Variants in PDE4D observed in about 807,000 individuals in gnomAD.
The protein encoded by PDE4D is phosphodiesterase 4D, also known as 3',5'-cyclic-AMP phosphodiesterase 4D.
A neutral mutation model predicts 87.4 loss-of-function variants in PDE4D; 24 were observed. The ratio of observed to expected loss-of-function variants is 0.27; its 90% CI spans 0.20 to 0.39. The LOEUF (loss-of-function observed/expected upper bound fraction) is 0.39. Ranked by LOEUF, PDE4D falls within the 10% of genes least tolerant of loss-of-function variation. The pLI is 1.00. For missense variants in PDE4D, 714 were observed against 1,041.0 expected, an observed-to-expected ratio of 0.69 and a Z score of 4.32; for synonymous variants, 384 against 383.2, an observed-to-expected ratio of 1.00 and a Z score of -0.02.
chr5:60,149,974 T>C (rs1781358732), intron 2 of PDE4D, among the ~76,000 whole-genome samples: 1 of 147,012 alleles, frequency 6.8e-6, no homozygotes, highest in East Asian at 2.0e-4. Flanking sequence ...ATATATAATA[T>C]ATACATATAT....
At chr5:59,104,146 A>G (rs1435404927) in intron 5 of PDE4D, among the ~76,000 whole-genome samples, 1 of 146,190 alleles carries the variant, frequency 6.8e-6, no homozygotes, top group Non-Finnish European at 1.5e-5. Flanking sequence ...TTGAAAAAAC[A>G]ATCAAAATTA....
chr5:60,104,606 C>A (rs1437342524), intron 2 of PDE4D, among the ~76,000 whole-genome samples: 9 of 152,226 alleles, frequency 5.9e-5, no homozygotes, highest in Non-Finnish European at 8.8e-5. Flanking sequence ...AACTGGGAGG[C>A]ACCCACCAGT....
At chr5:59,513,734 T>C (rs965390625) in intron 1 of PDE4D, among the ~76,000 whole-genome samples, 1 of 152,164 alleles carries the variant, frequency 6.6e-6, no homozygotes, top group African/African-American at 2.4e-5. Flanking sequence ...AGAAAAACCA[T>C]GAAACAATGT....
Position 59,723,440 on chromosome 5 carries a change from T to C in PDE4D, c.455+169728A>G, listed in dbSNP as rs549465566. Among the ~76,000 whole-genome samples the C allele has an allele frequency of 2.6e-5, 4 of 152,258 alleles. No individual in the cohort carries two copies. The South Asian group carries it at 8.3e-4, about 32-fold the overall frequency. On this transcript the variant is annotated intron_variant, in intron 1 of 14. Coordinates refer to ENST00000340635, the MANE Select transcript of PDE4D (RefSeq NM_001104631.2). The stretch of plus-strand genomic sequence containing the variant: ...ACAGAGCCTAGAACAGAGTAAATGC[T>C]CAAGAAATACGGACTATTGTTATAT...
chr5:60,502,716 C>T (rs1391983646), intron 1 of PDE4D, among the ~76,000 whole-genome samples: 1 of 152,140 alleles, frequency 6.6e-6, no homozygotes, highest in Non-Finnish European at 1.5e-5. Flanking sequence ...ATCTCTAAAT[C>T]TCTAAAATAG....
intron 1 of PDE4D, among the ~76,000 whole-genome samples, chr5:59,730,872 T>C (rs945843159): frequency 6.6e-6 from 1 of 152,174 alleles, no homozygotes; most frequent in Non-Finnish European, 1.5e-5. Flanking sequence ...AGCATATTTA[T>C]GGTATTATAC....
chr5:59,321,143 G>A (rs1207850614), intron 1 of PDE4D, among the ~76,000 whole-genome samples: 3 of 152,022 alleles, frequency 2.0e-5, no homozygotes, highest in Middle Eastern at 3.4e-3. Flanking sequence ...CTTCTATTGA[G>A]TTTTCATTCT....
chr5:59,372,970 A>C (rs1200400430), intron 1 of PDE4D, among the ~76,000 whole-genome samples: 1 of 152,074 alleles, frequency 6.6e-6, no homozygotes, highest in East Asian at 1.9e-4. Context: ...AATCCACCTA[A>C]TACCACAATC....
In PDE4D at chr5:59,817,365, C is replaced by G. The variant is rs564481270; in HGVS notation, c.455+75803G>C. Among the ~76,000 whole-genome samples the G allele has an allele frequency of 1.1e-4, 17 of 152,206 alleles. No homozygotes were observed. In the East Asian group the frequency reaches 2.5e-3, roughly 22 times the overall value. ...AGTGTCTTAGGTATTAGGAATACAA[C>G]AAAGAAGAACCTCAAATCCTTACTG... is the stretch of plus-strand genomic sequence containing the variant. On this transcript the variant is annotated intron_variant, in intron 1 of 14. Coordinates refer to ENST00000340635, the MANE Select transcript of PDE4D (RefSeq NM_001104631.2).
intron 1 of PDE4D, among the ~76,000 whole-genome samples, chr5:59,845,485 G>A (rs1743703053): frequency 6.6e-6 from 1 of 152,084 alleles, no homozygotes; most frequent in African/African-American, 2.4e-5. Flanking sequence ...TGGATACTGA[G>A]CCTCAGAGAG....
chr5:59,156,606 A>C (rs553405259), intron 5 of PDE4D, among the ~76,000 whole-genome samples: 1 of 151,968 alleles, frequency 6.6e-6, no homozygotes, highest in Admixed American at 6.6e-5. Context: ...TATCTGAAAG[A>C]AGCTCTGGGC....
At chr5:60,362,353 A>C (rs1202734216) in intron 1 of PDE4D, among the ~76,000 whole-genome samples, 1 of 152,196 alleles carries the variant, frequency 6.6e-6, no homozygotes, top group Non-Finnish European at 1.5e-5. Context: ...GGAACCTGAG[A>C]ATTTCAAGCT....
intron 1 of PDE4D, among the ~76,000 whole-genome samples, chr5:59,707,394 T>C (rs1179273630): frequency 6.6e-6 from 1 of 152,188 alleles, no homozygotes; most frequent in South Asian, 2.1e-4. Context: ...TGGAAACTCA[T>C]CCACAAGATG....
chr5:60,514,524 A>G (rs187559364), intron 1 of PDE4D, among the ~76,000 whole-genome samples: 76 of 152,222 alleles, frequency 5.0e-4, no homozygotes, highest in Admixed American at 7.2e-4. Flanking sequence ...AGACTAATAC[A>G]GTTGGTTTAA....
intron 1 of PDE4D, among the ~76,000 whole-genome samples, chr5:59,563,354 TA>T (rs1448825269): frequency 6.6e-6 from 1 of 152,074 alleles, no homozygotes; most frequent in South Asian, 2.1e-4. Flanking sequence ...GAGAAGCAAA[TA>T]AAAGCCCACA....
intron 11 of PDE4D, among the ~76,000 whole-genome samples, chr5:58,977,780 C>T (rs1744154780): frequency 6.6e-6 from 1 of 152,128 alleles, no homozygotes; most frequent in Admixed American, 6.5e-5. Flanking sequence ...ATTGTTTGTA[C>T]TCAAAGAGGG....
At chr5:59,394,617 C>G (rs1404382205) in intron 1 of PDE4D, among the ~76,000 whole-genome samples, 1 of 147,854 alleles carries the variant, frequency 6.8e-6, no homozygotes, top group Non-Finnish European at 1.5e-5. Flanking sequence ...TGCTTTATTA[C>G]TATTGGTGAA....
At chr5:59,835,165 C>A (rs1490774931) in intron 1 of PDE4D, among the ~76,000 whole-genome samples, 3 of 152,040 alleles carry the variant, frequency 2.0e-5, no homozygotes, top group Non-Finnish European at 4.4e-5. Context: ...GATACATATT[C>A]TTGAGAAATT....
intron 1 of PDE4D, among the ~76,000 whole-genome samples, chr5:59,377,869 T>C (rs1208253690): frequency 6.6e-6 from 1 of 152,198 alleles, no homozygotes; most frequent in Non-Finnish European, 1.5e-5. Context: ...GAAGACAGTG[T>C]GGCAATTCCT....
Sources: gnomAD v4.1 joint callset for allele counts (sites outside exome capture counted in the v4.1 genomes callset) on GRCh38, gnomAD v4.1.1 for gene constraint, MANE v1.5 for transcripts, NCBI Gene and HGNC (gene_info 2026-07-23, HGNC 2026-07-21) for gene names.